The following LINGO2 variants were observed in gnomAD, a reference collection of about 807,000 sequenced individuals.
LINGO2 encodes leucine rich repeat and Ig domain containing 2, also known as leucine-rich repeat and immunoglobulin-like domain-containing nogo receptor-interacting protein 2.
A neutral mutation model predicts 30.6 loss-of-function variants in LINGO2; 14 were observed. That is an observed-to-expected ratio of 0.46 (90% confidence interval 0.30 to 0.72). The LOEUF is 0.72. Ranked by LOEUF, LINGO2 falls within the 30% of genes least tolerant of loss-of-function variation. The pLI is 0.07. For missense variants in LINGO2, 729 were observed against 751.7 expected (o/e 0.97, Z 0.35); for synonymous variants, 317 against 288.5 (o/e 1.10, Z -1.00).
chr9:28,818,104 A>T, the LINGO2 span, among the ~76,000 whole-genome samples: 1 of 151,936 alleles, frequency 6.6e-6, no homozygotes, highest in Non-Finnish European at 1.5e-5. Flanking sequence ...TAATGATAGA[A>T]CTCACACCTC....
At chr9:28,577,395 G>A (rs915945692) in intron 1 of LINGO2, among the ~76,000 whole-genome samples, 18 of 152,012 alleles carry the variant, frequency 1.2e-4, no homozygotes, top group Non-Finnish European at 2.1e-4. Flanking sequence ...TGGCCCTCAC[G>A]TGTAAGTGGA....
At chr9:28,721,392 A>G in the LINGO2 span, among the ~76,000 whole-genome samples, 1 of 152,204 alleles carries the variant, frequency 6.6e-6, no homozygotes. Flanking sequence ...AACAATAGCA[A>G]AGACTTGGAA....
the LINGO2 span, among the ~76,000 whole-genome samples, chr9:29,021,164 G>A: frequency 6.6e-6 from 1 of 152,142 alleles, no homozygotes; most frequent in African/African-American, 2.4e-5. Context: ...TCTGAGAACA[G>A]AGGATATTTA....
intron 2 of LINGO2, among the ~76,000 whole-genome samples, chr9:28,396,703 CAA>C (rs60660309): frequency 3.8e-5 from 2 of 53,138 alleles, no homozygotes; most frequent in African/African-American, 7.5e-5. Context: ...GACTCCATCT[CAA>C]AAAAAAAAAA....
chr9:28,462,457 T>C (rs1309443590), intron 2 of LINGO2, among the ~76,000 whole-genome samples: 2 of 148,818 alleles, frequency 1.3e-5, no homozygotes, highest in Non-Finnish European at 3.0e-5. Context: ...GAGTTTGCAA[T>C]TTGCAATGAC....
At chr9:28,212,537 GT>G in intron 4 of LINGO2, among the ~76,000 whole-genome samples, 1 of 151,256 alleles carries the variant, frequency 6.6e-6, no homozygotes, top group Admixed American at 6.6e-5. Flanking sequence ...TCTTCCTATA[GT>G]TTTGGGTATC....
the LINGO2 span, among the ~76,000 whole-genome samples, chr9:28,911,621 A>C: frequency 6.6e-6 from 1 of 151,882 alleles, no homozygotes; most frequent in African/African-American, 2.4e-5. Flanking sequence ...ATTCAATTTA[A>C]TATAGAGTTA....
At chr9:28,964,195 T>C in the LINGO2 span, among the ~76,000 whole-genome samples, 7 of 152,044 alleles carry the variant, frequency 4.6e-5, no homozygotes, top group African/African-American at 1.4e-4. Flanking sequence ...TGATACAGAA[T>C]ATCCAGTTCA....
chr9:28,370,284 T>C (rs549789511), intron 3 of LINGO2, among the ~76,000 whole-genome samples: 143 of 152,254 alleles, frequency 9.4e-4, no homozygotes, highest in African/African-American at 3.1e-3. Flanking sequence ...TAAACCCACA[T>C]AGTCTCAGAT....
At chr9:28,383,368 T>G (rs914423310) in intron 2 of LINGO2, among the ~76,000 whole-genome samples, 6 of 151,918 alleles carry the variant, frequency 3.9e-5, no homozygotes, top group African/African-American at 1.5e-4. Context: ...TCTCCTCTGT[T>G]TTTAATCTTC....
chr9:29,153,281 C>A, the LINGO2 span, among the ~76,000 whole-genome samples: 2 of 152,078 alleles, frequency 1.3e-5, no homozygotes, highest in Middle Eastern at 3.5e-3. Flanking sequence ...AAGTTGTTTG[C>A]TCATTTAGCT....
At chr9:29,157,016 G>T in the LINGO2 span, among the ~76,000 whole-genome samples, 2 of 151,812 alleles carry the variant, frequency 1.3e-5, no homozygotes, top group African/African-American at 4.8e-5. Flanking sequence ...CCCATTGGTT[G>T]GCTATGATCT....
At chr9:28,436,960 G>GGCC (rs1823973578) in intron 2 of LINGO2, among the ~76,000 whole-genome samples, 1 of 152,106 alleles carries the variant, frequency 6.6e-6, no homozygotes, top group African/African-American at 2.4e-5. Flanking sequence ...AAAGGAAAGG[G>GGCC]GCCACCCTTT....
intron 4 of LINGO2, among the ~76,000 whole-genome samples, chr9:28,042,768 T>A (rs1824252930): frequency 6.6e-6 from 1 of 152,112 alleles, no homozygotes; most frequent in Admixed American, 6.6e-5. Flanking sequence ...ATTCTTCCCC[T>A]CTCCCCCATA....
intron 4 of LINGO2, among the ~76,000 whole-genome samples, chr9:28,174,898 C>CTGTGTATGTG (rs1554682406): frequency 4.3e-5 from 6 of 141,008 alleles, no homozygotes; most frequent in African/African-American, 1.6e-4. Context: ...ATTTGTGTCT[C>CTGTGTATGTG]TGTGTGTGTG....
At chr9:27,971,189 CCCT>C (rs1378109961) in intron 5 of LINGO2, among the ~76,000 whole-genome samples, 1 of 148,220 alleles carries the variant, frequency 6.7e-6, no homozygotes, top group Non-Finnish European at 1.5e-5. Flanking sequence ...TATCTTTTTT[CCCT>C]CCTATTCCCT....
At chr9:28,794,258 C>T in the LINGO2 span, among the ~76,000 whole-genome samples, 2 of 152,150 alleles carry the variant, frequency 1.3e-5, no homozygotes, top group African/African-American at 4.8e-5. Flanking sequence ...GAGCCGAGAT[C>T]GCGCCACTGC....
intron 2 of LINGO2, among the ~76,000 whole-genome samples, chr9:28,454,462 A>G (rs1824765810): frequency 6.6e-6 from 1 of 152,062 alleles, no homozygotes; most frequent in Admixed American, 6.6e-5. Flanking sequence ...AAAGATGAGT[A>G]TATAGGCAAC....
At position 28,229,071 on chromosome 9, in the gene LINGO2, G is replaced by A. The variant is rs974090791; in HGVS notation, c.-87+66137C>T. On this transcript the variant is annotated intron_variant, in intron 4 of 5. Coordinates refer to ENST00000379992, the Ensembl canonical transcript of LINGO2. ...ACACACTAAAACCTAAAGCATTATG[G>A]AACAAAGGTCATTCTCTTCTGAGAG... 4.6e-5 allele frequency among the ~76,000 whole-genome samples: 7 copies of A among 151,766 alleles called. 1 individual carries two copies. The highest frequency in any genetic ancestry group is 1.7e-4 in the African/African-American group (7 of 41,496).
Sources: gnomAD v4.1 joint callset for allele counts (sites outside exome capture counted in the v4.1 genomes callset) on GRCh38, gnomAD v4.1.1 for gene constraint, MANE v1.5 for transcripts, NCBI Gene and HGNC (gene_info 2026-07-23, HGNC 2026-07-21) for gene names.